Variants in SKAP2 observed in about 807,000 individuals in gnomAD.
SKAP2 encodes src kinase associated phosphoprotein 2, also known as src kinase-associated phosphoprotein 2.
A neutral mutation model predicts 54.9 loss-of-function variants in SKAP2; 28 were observed. That is an observed-to-expected ratio of 0.51 (90% CI 0.38 to 0.70). The LOEUF (loss-of-function observed/expected upper bound fraction) is 0.70. SKAP2 is among the 30% of genes least tolerant of loss of function. The pLI is 0.00. For synonymous variants in SKAP2, 137 were observed against 134.3 expected (o/e 1.02, Z -0.14); for missense variants, 356 against 424.1 (o/e 0.84, Z 1.41).
intron 4 of SKAP2, among the ~76,000 whole-genome samples, chr7:26,811,696 T>C (rs1333250763): frequency 2.0e-5 from 3 of 152,190 alleles, no homozygotes; most frequent in Non-Finnish European, 4.4e-5. Flanking sequence ...AAAACTGTCT[T>C]TTGTTATGTA....
At chr7:26,851,532 C>T (rs1317848283) in intron 3 of SKAP2, among the ~76,000 whole-genome samples, 1 of 151,824 alleles carries the variant, frequency 6.6e-6, no homozygotes, top group Non-Finnish European at 1.5e-5. Flanking sequence ...CACTTGGATA[C>T]AGGAAGGCGG....
At chr7:26,833,606 A>G (rs1370965923) in intron 4 of SKAP2, among the ~76,000 whole-genome samples, 10 of 152,174 alleles carry the variant, frequency 6.6e-5, no homozygotes, top group Non-Finnish European at 1.0e-4. Flanking sequence ...AAAACAACAA[A>G]GATCAAAAGA....
At chr7:26,852,813 G>A (rs963845041) in intron 3 of SKAP2, among the ~76,000 whole-genome samples, 14 of 152,076 alleles carry the variant, frequency 9.2e-5, no homozygotes. Flanking sequence ...AAAGCACAAT[G>A]CAAGTTCGAT....
intron 4 of SKAP2, among the ~76,000 whole-genome samples, chr7:26,819,213 G>A (rs747579737): frequency 7.9e-5 from 12 of 152,004 alleles, no homozygotes; most frequent in Non-Finnish European, 1.6e-4. Flanking sequence ...AAAATGTGGC[G>A]CATATACACC....
downstream of SKAP2, among the ~76,000 whole-genome samples, chr7:26,664,798 T>C (rs988604686): frequency 2.0e-5 from 3 of 149,536 alleles, no homozygotes; most frequent in African/African-American, 7.4e-5. Context: ...TTAAGAAAGG[T>C]ACTTAAGAGA....
the SKAP2 span, among the ~76,000 whole-genome samples, chr7:26,656,716 T>C: frequency 6.6e-6 from 1 of 152,194 alleles, no homozygotes; most frequent in African/African-American, 2.4e-5. Flanking sequence ...TAACTGGGTT[T>C]GAGAATGAGC....
intron 4 of SKAP2, among the ~76,000 whole-genome samples, chr7:26,838,951 G>C (rs1464821448): frequency 4.6e-5 from 7 of 152,040 alleles, no homozygotes; most frequent in Non-Finnish European, 1.0e-4. Flanking sequence ...CAATTGCCCT[G>C]TCCAAGTATC....
intron 9 of SKAP2, among the ~76,000 whole-genome samples, chr7:26,712,443 G>A (rs1787330842): frequency 6.6e-6 from 1 of 152,166 alleles, no homozygotes; most frequent in African/African-American, 2.4e-5. Context: ...TTTTTTATAT[G>A]TGTGCAGTAA....
chr7:26,671,462 A>G (rs1456170835), intron 11 of SKAP2, among the ~76,000 whole-genome samples: 2 of 152,096 alleles, frequency 1.3e-5, no homozygotes, highest in African/African-American at 4.8e-5. Flanking sequence ...CAATTCTTTA[A>G]TACAAATGTA....
chr7:26,779,668 A>G (rs960877638), intron 4 of SKAP2, among the ~76,000 whole-genome samples: 1 of 152,068 alleles, frequency 6.6e-6, no homozygotes, highest in South Asian at 2.1e-4. Flanking sequence ...CAAGGCAATG[A>G]GAAATTACTG....
At chr7:26,660,205 T>C in the SKAP2 span, among the ~76,000 whole-genome samples, 1 of 152,254 alleles carries the variant, frequency 6.6e-6, no homozygotes, top group East Asian at 1.9e-4. Context: ...TATGCTGCTC[T>C]GATATGGTTT....
At chr7:26,750,107 C>T (rs1299791906) in intron 4 of SKAP2, among the ~76,000 whole-genome samples, 1 of 152,002 alleles carries the variant, frequency 6.6e-6, no homozygotes, top group Non-Finnish European at 1.5e-5. Flanking sequence ...AGCCCATTTT[C>T]TGAAATGCTA....
rs926723062 is a variant in SKAP2, at chr7:26,844,083, G to C, written c.254C>G (p.Thr85Ser). The C allele has an allele frequency of 6.2e-7, 1 of 1,612,244 alleles. No individual in the cohort carries two copies. ...YDDPFAGPPD[T>S]ISLASERYDK... The stretch of plus-strand genomic sequence containing the variant: ...ATATCGTTCTGAGGCTAATGAAATA[G>C]TGTCTGGAGGCCCAGCAAAAGGGTC... The change falls in exon 4 of 13, where the codon ACT becomes AGT. Residue 85 changes from threonine (T) to serine (S), a missense_variant. Transcript: ENST00000345317.
intron 4 of SKAP2, among the ~76,000 whole-genome samples, chr7:26,768,284 T>G (rs1783107093): frequency 2.0e-5 from 3 of 148,736 alleles, no homozygotes. Flanking sequence ...ACCCCTGCTT[T>G]TTTTTTTTTT....
chr7:26,747,502 A>G (rs1444310246), intron 4 of SKAP2, among the ~76,000 whole-genome samples: 1 of 152,118 alleles, frequency 6.6e-6, no homozygotes, highest in African/African-American at 2.4e-5. Flanking sequence ...TACCAAGCAA[A>G]AACGGAATAA....
intron 4 of SKAP2, among the ~76,000 whole-genome samples, chr7:26,813,741 T>C (rs954764894): frequency 1.3e-5 from 2 of 152,220 alleles, no homozygotes; most frequent in African/African-American, 2.4e-5. Context: ...CATCAACCAA[T>C]GGCAATAGCA....
chr7:26,662,309 G>T (rs1475865383), downstream of SKAP2, among the ~76,000 whole-genome samples: 1 of 152,044 alleles, frequency 6.6e-6, no homozygotes, highest in Non-Finnish European at 1.5e-5. Flanking sequence ...TGAAACCCTT[G>T]CGTTTCCCTC....
chr7:26,681,612 A>G (rs542687993), intron 11 of SKAP2, among the ~76,000 whole-genome samples: 1 of 152,364 alleles, frequency 6.6e-6, no homozygotes, highest in East Asian at 1.9e-4. Flanking sequence ...ACACACTTTT[A>G]GAAGGTAAAT....
intron 6 of SKAP2, among the ~76,000 whole-genome samples, chr7:26,737,919 A>G (rs1787976999): frequency 6.6e-6 from 1 of 152,186 alleles, no homozygotes; most frequent in Non-Finnish European, 1.5e-5. Context: ...AGTGGTTGAG[A>G]ACATGGACTC....
Sources: gnomAD v4.1 joint callset for allele counts (sites outside exome capture counted in the v4.1 genomes callset) on GRCh38, gnomAD v4.1.1 for gene constraint, MANE v1.5 for transcripts, NCBI Gene and HGNC (gene_info 2026-07-23, HGNC 2026-07-21) for gene names.